Variants in COBLL1 observed in about 807,000 individuals in gnomAD.
COBLL1 encodes the protein cordon-bleu protein-like 1.
Under a neutral mutation model 94.8 loss-of-function variants are expected in COBLL1, and 50 were observed. That is an observed-to-expected ratio of 0.53 (90% CI 0.42 to 0.67). COBLL1 has a LOEUF of 0.67. Among genes scored for constraint, COBLL1 ranks in the 30% least tolerant of loss-of-function variants. The probability of loss-of-function intolerance (pLI) is 0.00; values close to 1 mark genes in which losing one functional copy is unlikely to be tolerated. For synonymous variants in COBLL1, 448 were observed against 473.8 expected (o/e 0.95, Z 0.71); for missense variants, 1,362 against 1,348.7 (o/e 1.01, Z -0.15).
intron 2 of COBLL1, among the ~76,000 whole-genome samples, chr2:164,839,742 G>C (rs1422919317): frequency 6.6e-6 from 1 of 152,092 alleles, no homozygotes; most frequent in Non-Finnish European, 1.5e-5. Context: ...TAATTTTGCA[G>C]CTCCACTTAG....
At chr2:164,708,823 T>C (rs1339776261) in intron 7 of COBLL1, among the ~76,000 whole-genome samples, 1 of 152,244 alleles carries the variant, frequency 6.6e-6, no homozygotes, top group Non-Finnish European at 1.5e-5. Context: ...AGTTCCATGT[T>C]TCCCTTGTTT....
intron 2 of COBLL1, among the ~76,000 whole-genome samples, chr2:164,834,903 A>G (rs1458377240): frequency 1.3e-5 from 2 of 152,192 alleles, no homozygotes; most frequent in East Asian, 3.8e-4. Context: ...CAAAATCACT[A>G]CACATTAGGG....
intron 2 of COBLL1, among the ~76,000 whole-genome samples, chr2:164,806,679 C>G (rs182293488): frequency 6.6e-6 from 1 of 152,142 alleles, no homozygotes; most frequent in East Asian, 1.9e-4. Context: ...TCCAACAGCT[C>G]TAATTCTTGA....
At chr2:164,703,105 T>A (rs1684396332) in intron 9 of COBLL1, 5 of 1,599,034 alleles carry the variant, frequency 3.1e-6, no homozygotes, top group African/African-American at 1.3e-5. Context: ...ACCACCTACA[T>A]GTCAATGATG....
chr2:164,689,249 T>G (rs935258941), intron 13 of COBLL1, among the ~76,000 whole-genome samples: 1 of 152,062 alleles, frequency 6.6e-6, no homozygotes, highest in Non-Finnish European at 1.5e-5. Flanking sequence ...ACCATTATAA[T>G]GAAGGTTAAT....
chr2:164,753,279 TTATTTTAC>T (rs2105591846), intron 2 of COBLL1, among the ~76,000 whole-genome samples: 2 of 152,264 alleles, frequency 1.3e-5, no homozygotes. Context: ...CCACACTCAA[TTATTTTAC>T]ATTTCAACAC....
At chr2:164,773,202 T>A (rs931025036) in intron 2 of COBLL1, among the ~76,000 whole-genome samples, 16 of 135,950 alleles carry the variant, frequency 1.2e-4, no homozygotes, top group African/African-American at 4.2e-4. Context: ...ATACCTAAAG[T>A]TAGCTTCATA....
At chr2:164,701,896 A>AG (rs200818018) in intron 9 of COBLL1, among the ~76,000 whole-genome samples, 260 of 37,274 alleles carry the variant, frequency 7.0e-3, no homozygotes, top group Non-Finnish European at 0.014. Flanking sequence ...ATGTGGTGGG[A>AG]GGGGGGGGCG....
intron 2 of COBLL1, among the ~76,000 whole-genome samples, chr2:164,814,547 T>G (rs1684621024): frequency 2.0e-5 from 3 of 152,196 alleles, no homozygotes; most frequent in Admixed American, 1.3e-4. Context: ...TATCTCAATG[T>G]ATGTATACTG....
chr2:164,825,679 C>T (rs569709291), intron 2 of COBLL1, among the ~76,000 whole-genome samples: 4 of 152,226 alleles, frequency 2.6e-5, no homozygotes, highest in Non-Finnish European at 4.4e-5. Flanking sequence ...GTCAAGGGTG[C>T]GTGAGGCTAA....
intron 2 of COBLL1, among the ~76,000 whole-genome samples, chr2:164,744,751 G>T (rs536642747): frequency 4.7e-4 from 71 of 152,120 alleles, no homozygotes; most frequent in African/African-American, 1.5e-3. Context: ...GAACTATGAT[G>T]GGTTGTTTGA....
chr2:164,794,011 G>A (rs1683315250), intron 2 of COBLL1, among the ~76,000 whole-genome samples: 1 of 152,120 alleles, frequency 6.6e-6, no homozygotes, highest in African/African-American at 2.4e-5. Flanking sequence ...ATCATAATTA[G>A]AACCCCCTCC....
In COBLL1 at chr2:164,693,953, A is replaced by G. The variant is rs192588491; in HGVS notation, c.3123+316T>C. Among the ~76,000 whole-genome samples the G allele has an allele frequency of 1.2e-3, 179 of 152,294 alleles. 3 individuals are homozygous for G. The South Asian group carries it at 0.018, about 15-fold the overall frequency. ...GAAGATTTAGACAAGTTAAAAACAAATTAAGATAACACAGGAAAATAGAAC... is the reference window on the plus strand; with the variant it reads ...GAAGATTTAGACAAGTTAAAAACAAGTTAAGATAACACAGGAAAATAGAAC... On this transcript the variant is annotated intron_variant, in intron 12 of 13. Transcript: ENST00000652658.
rs1684471844 is a variant in COBLL1, at chr2:164,704,388, A to G, written c.1225+56T>C. The G allele has an allele frequency of 9.4e-6, 11 of 1,170,014 alleles. No homozygotes were observed. In the East Asian group the frequency reaches 2.6e-4, roughly 27 times the overall value. The allele number at this position is 1,170,014 out of a possible 1,614,324, so 72.5% of individuals were successfully genotyped here. A position where few individuals can be genotyped will look rare whatever the true frequency, so the allele number is the denominator to read the frequency against. ...GCATCGCAAATGGACTCATTTCTCA[A>G]TTATCATGGACGTCCTTTTTCAGTA... On this transcript the variant is annotated intron_variant, in intron 9 of 13. Transcript: ENST00000652658.
chr2:164,737,656 C>A lies in COBLL1; in HGVS notation c.230+6031G>T, dbSNP rs1402411113. Reference sequence around the variant, plus strand: ...ACACATTTGTCATCACTGGACACTTCTCAATAAATATAAATATGACGTGAA... The same window carrying A: ...ACACATTTGTCATCACTGGACACTTATCAATAAATATAAATATGACGTGAA... On this transcript the variant is annotated intron_variant, in intron 3 of 13. Transcript: ENST00000652658. 3.3e-5 allele frequency among the ~76,000 whole-genome samples: 5 copies of A among 152,258 alleles called. No homozygotes were observed. The East Asian group carries it at 9.7e-4, about 29-fold the overall frequency.
At chr2:164,672,626 G>C (rs1206156990) in intron 1 of COBLL1, among the ~76,000 whole-genome samples, 3 of 148,734 alleles carry the variant, frequency 2.0e-5, no homozygotes, top group African/African-American at 5.0e-5. Context: ...GTGAACCCGG[G>C]AAGCGGAGCT....
At chr2:164,659,784 TTTTTC>T (rs1156684891) in intron 2 of COBLL1, among the ~76,000 whole-genome samples, 3 of 152,316 alleles carry the variant, frequency 2.0e-5, no homozygotes, top group East Asian at 3.9e-4. Context: ...TTCTGGATTT[TTTTTC>T]TTTTATTGAT....
At chr2:164,835,836 A>G (rs1472816423) in intron 2 of COBLL1, among the ~76,000 whole-genome samples, 1 of 152,194 alleles carries the variant, frequency 6.6e-6, no homozygotes, top group Admixed American at 6.5e-5. Context: ...TGTTCATTTT[A>G]TTCCTACAGA....
At chr2:164,749,184 T>C (rs960464749) in intron 2 of COBLL1, among the ~76,000 whole-genome samples, 2 of 152,182 alleles carry the variant, frequency 1.3e-5, no homozygotes, top group African/African-American at 2.4e-5. Flanking sequence ...CTGTATGAGA[T>C]ATACTTACAT....
Sources: gnomAD v4.1 joint callset for allele counts (sites outside exome capture counted in the v4.1 genomes callset) on GRCh38, gnomAD v4.1.1 for gene constraint, MANE v1.5 for transcripts, NCBI Gene and HGNC (gene_info 2026-07-23, HGNC 2026-07-21) for gene names.